RNF17: variants seen among roughly 807,000 people sequenced by gnomAD.
RNF17 encodes the protein ring finger protein 17, also known as spermatogenesis associated 23.
RNF17 carries 31 observed loss-of-function variants against 200.5 expected under a neutral mutation model. The ratio of observed to expected loss-of-function variants is 0.15; its 90% confidence interval spans 0.12 to 0.21. The LOEUF is 0.21. RNF17 is among the 10% of genes least tolerant of loss of function. The pLI, the probability that RNF17 is intolerant of heterozygous loss-of-function variation, is 1.00. For synonymous variants in RNF17, 606 were observed against 637.8 expected, an observed-to-expected ratio of 0.95 and a Z score of 0.75; for missense variants, 1,628 against 1,905.1, an observed-to-expected ratio of 0.85 and a Z score of 2.71.
chr13:24,851,405 G>A (rs1891876995), intron 23 of RNF17, 51 bp from the exon 24 acceptor site: 1 of 1,211,806 alleles, frequency 8.3e-7, no homozygotes, highest in South Asian at 1.3e-5. Flanking sequence ...TTGTTTATAT[G>A]AAGATTTCAT....
In RNF17 at chr13:24,850,514, T is replaced by C. The variant is rs556476048; in HGVS notation, c.3204+71T>C. On this transcript the variant is annotated intron_variant, in intron 23 of 35. Transcript: ENST00000255324. ...CCATCGATTCCATTTATTTTCTTTC[T>C]TGTAGAGAAAATAGCAGCCAACTAT... 7.5e-6 allele frequency: 8 copies of C among 1,064,872 alleles called. No individual in the cohort carries two copies. In the South Asian group the frequency reaches 1.3e-4, roughly 17 times the overall value. 66.0% of individuals were successfully genotyped at this position (1,064,872 alleles called of 1,614,324 possible).
intron 2 of RNF17, among the ~76,000 whole-genome samples, chr13:24,768,697 T>A (rs1372097087): frequency 6.6e-6 from 1 of 151,972 alleles, no homozygotes; most frequent in Non-Finnish European, 1.5e-5. Flanking sequence ...AGAATGCAGT[T>A]CTCATTCTGT....
At chr13:24,842,258 G>T in intron 19 of RNF17, 97 bp downstream of exon 19, 1 of 1,074,434 alleles carries the variant, frequency 9.3e-7, no homozygotes, top group East Asian at 2.7e-5. Context: ...CATTGGAGAT[G>T]AGCTTAGACT....
chr13:24,887,231 T>C, the RNF17 span, among the ~76,000 whole-genome samples: 1 of 152,194 alleles, frequency 6.6e-6, no homozygotes, highest in Non-Finnish European at 1.5e-5. Flanking sequence ...AGCCATGAAC[T>C]AGGAGAAGAT....
rs541523958 is a variant in RNF17, at chr13:24,876,594, T to G, written c.4584-403T>G. Among the ~76,000 whole-genome samples, 23 of 152,340 alleles carry G rather than the reference T, an allele frequency of 1.5e-4. No individual in the cohort carries two copies. The South Asian group carries it at 4.8e-3, about 32-fold the overall frequency. ...ATATCCTCACCAGCACTTGTAATTT[T>G]GTTGTGTTATAATAGCCATTCTAGT... is the stretch of plus-strand genomic sequence containing the variant. On this transcript the variant is annotated intron_variant, in intron 33 of 35. Transcript: ENST00000255324.
rs1357823322 is a variant in RNF17, at chr13:24,793,068, G to C, written c.962G>C (p.Arg321Thr). The change falls in exon 10 of 36, where the codon AGA (arginine) becomes ACA (threonine). Residue 321 changes from arginine (R) to threonine (T), a missense_variant. Physicochemically the swap from Arg to Thr is moderately conservative, Grantham distance 71. This residue lies in a region of RNF17 where 502 missense variants were observed against 501.7 expected (regional missense o/e 1.00). Transcript: ENST00000255324. ...TGTTATCCCCAAGAAAATGAAATTAGACAGAATGTTCAAAAGAAATATAAT... is the reference window on the plus strand; with the variant it reads ...TGTTATCCCCAAGAAAATGAAATTACACAGAATGTTCAAAAGAAATATAAT... ...TKCYPQENEI[R>T]QNVQKKYNNK... is the part of the protein sequence containing the mutation. The C allele has an allele frequency of 1.9e-6, 3 of 1,584,546 alleles. No homozygotes were observed. Among genetic ancestry groups the C allele is most frequent in the African/African-American group, 1.4e-5 (1 of 73,170 alleles).
intron 32 of RNF17, among the ~76,000 whole-genome samples, chr13:24,871,795 G>A (rs548011956): frequency 6.6e-5 from 10 of 151,906 alleles, no homozygotes; most frequent in African/African-American, 2.2e-4. Context: ...ACCACGCCCA[G>A]CTAATTTTTG....
upstream of RNF17, among the ~76,000 whole-genome samples, chr13:24,762,369 T>TAAAAAAAAAAAAAAAAA (rs370600110): frequency 8.8e-6 from 1 of 113,898 alleles, no homozygotes; most frequent in Non-Finnish European, 1.7e-5. Flanking sequence ...ACTCCATTTC[T>TAAAAAAAAAAAAAAAAA]AAAAAAAAAA....
At chr13:24,826,881 A>G (rs1008256479) in intron 16 of RNF17, among the ~76,000 whole-genome samples, 2 of 151,372 alleles carry the variant, frequency 1.3e-5, no homozygotes, top group Non-Finnish European at 2.9e-5. Flanking sequence ...ACCAACATGG[A>G]GAAACGCTGT....
intron 26 of RNF17, among the ~76,000 whole-genome samples, chr13:24,859,508 A>G (rs1892866098): frequency 6.6e-6 from 1 of 152,062 alleles, no homozygotes; most frequent in Non-Finnish European, 1.5e-5. Flanking sequence ...TGGCCCTGTT[A>G]GTTTTTCAGG....
chr13:24,819,441 T>G (rs1887778933), intron 15 of RNF17, among the ~76,000 whole-genome samples: 1 of 152,230 alleles, frequency 6.6e-6, no homozygotes, highest in South Asian at 2.1e-4. Context: ...CAGTGGACAT[T>G]TGGATTGTCT....
intron 15 of RNF17, among the ~76,000 whole-genome samples, chr13:24,807,395 G>T (rs1425201144): frequency 1.3e-5 from 2 of 151,896 alleles, no homozygotes; most frequent in East Asian, 1.9e-4. Flanking sequence ...TTCTCTGATG[G>T]CCAGTGATGG....
intron 18 of RNF17, 126 bp downstream of exon 18, chr13:24,832,104 TG>T (rs1889478126): frequency 1.5e-6 from 1 of 651,330 alleles, no homozygotes; most frequent in Admixed American, 3.3e-5. Flanking sequence ...TAAGATTTGT[TG>T]AGAATTAGGT....
intron 11 of RNF17, among the ~76,000 whole-genome samples, 200 bp from the exon 12 acceptor site, chr13:24,799,195 C>T (rs1884958285): frequency 6.6e-6 from 1 of 152,070 alleles, no homozygotes; most frequent in Non-Finnish European, 1.5e-5. Context: ...GTGTTTATCT[C>T]CCTATTTAGC....
Position 24,868,605 on chromosome 13 carries a change from G to A in RNF17, c.4167G>A (p.Leu1389=). The change falls in exon 31 of 36, where the codon TTG becomes TTA. Residue 1389 remains leucine, a synonymous_variant. Transcript: ENST00000255324. ...ATTTTTCTGTGGTGTTTTAGGAATT[G>A]CTTTCGGCTGAAACAGACACTCCTC... The part of the protein sequence containing the change: ...EEQWEIRFEE[L]LSAETDTPLL... 1 of 1,563,206 alleles carries A rather than the reference G, an allele frequency of 6.4e-7. No individual in the cohort carries two copies.
intron 4 of RNF17, among the ~76,000 whole-genome samples, chr13:24,778,780 A>G (rs1434674172): frequency 6.6e-6 from 1 of 152,186 alleles, no homozygotes; most frequent in Non-Finnish European, 1.5e-5. Flanking sequence ...TGTTGTTGTT[A>G]ATGTTATTGC....
At chr13:24,763,347 C>T (rs1008873783), upstream of RNF17, among the ~76,000 whole-genome samples, 4 of 150,776 alleles carry the variant, frequency 2.7e-5, no homozygotes, top group Admixed American at 1.3e-4. Flanking sequence ...GAACTACAGG[C>T]GCCCACCGCC....
chr13:24,800,507 A>G lies in RNF17; in HGVS notation c.1731A>G (p.Ser577=), dbSNP rs746934977. 3 of 1,611,134 alleles carry G rather than the reference A, an allele frequency of 1.9e-6. No homozygotes were observed. Among genetic ancestry groups the G allele is most frequent in the South Asian group, 1.1e-5 (1 of 90,708 alleles). The change falls in exon 13 of 36, where the codon TCA becomes TCG. Residue 577 remains serine, a synonymous_variant. Transcript: ENST00000255324. ...TCCAGCCATTAGCACAACCATGCTCATTGAAAGACATTGTTCCACAGAATT... is the reference window on the plus strand; with the variant it reads ...TCCAGCCATTAGCACAACCATGCTCGTTGAAAGACATTGTTCCACAGAATT... ...KDIQPLAQPC[S]LKDIVPQNSN... is the part of the protein sequence containing the mutation.
At chr13:24,764,786 T>C (rs1879349487) in intron 1 of RNF17, among the ~76,000 whole-genome samples, 1 of 152,174 alleles carries the variant, frequency 6.6e-6, no homozygotes, top group Non-Finnish European at 1.5e-5. Flanking sequence ...GTTAGCATTT[T>C]GTTGTTTCTG....
Sources: gnomAD v4.1 joint callset for allele counts (sites outside exome capture counted in the v4.1 genomes callset) on GRCh38, gnomAD v4.1.1 for gene constraint, gnomAD v4.1.1 regional missense constraint, MANE v1.5 for transcripts, NCBI Gene and HGNC (gene_info 2026-07-23, HGNC 2026-07-21) for gene names.